CACNG7: variants seen among roughly 807,000 people sequenced by gnomAD.
The protein encoded by CACNG7 is voltage-dependent calcium channel gamma-7 subunit.
A neutral mutation model predicts 26.3 loss-of-function variants in CACNG7; 9 were observed. The ratio of observed to expected loss-of-function variants is 0.34; its 90% CI spans 0.21 to 0.60. The LOEUF (loss-of-function observed/expected upper bound fraction) is 0.60, where lower values mean the gene tolerates loss of function less well. Among genes scored for constraint, CACNG7 ranks in the 20% least tolerant of loss-of-function variants. CACNG7 has a pLI of 0.81. For synonymous variants in CACNG7, 170 were observed against 157.0 expected (o/e 1.08, Z -0.62); for missense variants, 297 against 380.4 (o/e 0.78, Z 1.82).
At chr19:53,911,001 A>G (rs3844454) in intron 1 of CACNG7, among the ~76,000 whole-genome samples, 1 of 151,108 alleles carries the variant, frequency 6.6e-6, no homozygotes, top group Admixed American at 6.6e-5. Flanking sequence ...AGGATGAGAG[A>G]CCGTTGTTTG....
In CACNG7 at chr19:53,943,420, C is replaced by G. The variant is rs559806315; in HGVS notation, c.*1127C>G. 9 of 151,216 alleles carry G rather than the reference C, an allele frequency of 6.0e-5. No individual in the cohort carries two copies. In the South Asian group the frequency reaches 1.7e-3, roughly 28 times the overall value. The allele number at this position is 151,216 out of a possible 1,614,324, so 9.4% of individuals were successfully genotyped here. ...GGTCACCAGGAACTCGCCCACCCCC[C>G]CTTATTAGGGAAAGAGGGGCGAGGT... On this transcript the variant is annotated 3_prime_UTR_variant, in exon 6 of 6. Transcript: ENST00000391767.
intron 4 of CACNG7, among the ~76,000 whole-genome samples, chr19:53,930,463 C>A (rs954860964): frequency 9.2e-5 from 14 of 152,288 alleles, no homozygotes; most frequent in South Asian, 4.1e-4. Context: ...ACCTCCACCT[C>A]CCAGGTACAC....
intron 4 of CACNG7, among the ~76,000 whole-genome samples, chr19:53,938,792 C>T (rs894950062): frequency 6.6e-6 from 1 of 151,618 alleles, no homozygotes; most frequent in Admixed American, 6.6e-5. Flanking sequence ...GCAAAAAATA[C>T]AAAAAATTAG....
chr19:53,920,926 C>A (rs1448880942), intron 4 of CACNG7, among the ~76,000 whole-genome samples: 1 of 105,776 alleles, frequency 9.5e-6, no homozygotes, highest in African/African-American at 4.3e-5. Flanking sequence ...CAGGTCTGGT[C>A]ATTGGTGGAC....
At chr19:53,919,187 A>G (rs1436299114) in intron 4 of CACNG7, among the ~76,000 whole-genome samples, 1 of 152,224 alleles carries the variant, frequency 6.6e-6, no homozygotes, top group African/African-American at 2.4e-5. Context: ...AAAAAGAAGG[A>G]GATTTAAAAG....
rs1599959681 is a variant in CACNG7 at position 53,909,536 on chromosome 19, T to G, written c.-30+19T>G. The G allele has an allele frequency of 6.6e-6, 1 of 151,420 alleles. No individual in the cohort carries two copies. The highest frequency in any genetic ancestry group is 1.9e-4 in the East Asian group (1 of 5,134). 9.4% of individuals were successfully genotyped at this position (151,420 alleles called of 1,614,324 possible). ...GAGCGAGGTGAGCGCTAGCGGAGGG[T>G]CCTGGGAGGAAGAAGGGGCGCCCCT... is the stretch of plus-strand genomic sequence containing the variant. On this transcript the variant is annotated intron_variant, in intron 1 of 5. Coordinates refer to ENST00000391767, the MANE Select transcript of CACNG7 (RefSeq NM_031896.5). The surrounding 1 kb of genome is among the most constrained non-coding windows in gnomAD (Gnocchi z 5.1).
chr19:53,941,134 C>A (rs2069134931), intron 4 of CACNG7, among the ~76,000 whole-genome samples: 1 of 152,152 alleles, frequency 6.6e-6, no homozygotes, highest in African/African-American at 2.4e-5. Context: ...CTTGCCCCTG[C>A]CCCAGGCAGG....
At position 53,940,201 on chromosome 19, in the gene CACNG7, A is replaced by G. The variant is rs1228284766; in HGVS notation, c.425-1269A>G. 6.6e-6 allele frequency among the ~76,000 whole-genome samples: 1 copy of G among 152,132 alleles called. No homozygotes were observed. Among genetic ancestry groups the G allele is most frequent in the Non-Finnish European group, 1.5e-5 (1 of 68,016 alleles). On this transcript the variant is annotated intron_variant, in intron 4 of 5. Transcript: ENST00000391767. The surrounding 1 kb of genome is among the most constrained non-coding windows in gnomAD (Gnocchi z 4.1). ...GGAGAAAATGATAATCGCCTCTTAG[A>G]AATTCTCAGATTGGACCTCTCCTCT...
chr19:53,917,780 A>G (rs562224281), intron 4 of CACNG7, among the ~76,000 whole-genome samples: 3 of 152,302 alleles, frequency 2.0e-5, no homozygotes, highest in African/African-American at 2.4e-5. Context: ...CATGATAAGG[A>G]AAGTCCCATT....
At position 53,914,496 on chromosome 19, in the gene CACNG7, C is replaced by G. The variant is rs754759538; in HGVS notation, c.197-4C>G. ...CCAGCCCTGTCTGTTTCTCTTCCCC[C>G]CAGGTCGGGAGAAAGGTCGCTGTGT... On this transcript the variant is annotated splice_polypyrimidine_tract_variant and splice_region_variant and intron_variant, in intron 2 of 5. Coordinates refer to ENST00000391767, the MANE Select transcript of CACNG7 (RefSeq NM_031896.5). 2 of 1,613,770 alleles carry G rather than the reference C, an allele frequency of 1.2e-6. No homozygotes were observed. Among genetic ancestry groups the G allele is most frequent in the Non-Finnish European group, 1.7e-6 (2 of 1,179,762 alleles).
At chr19:53,933,013 C>A (rs190059450) in intron 4 of CACNG7, among the ~76,000 whole-genome samples, 17 of 152,014 alleles carry the variant, frequency 1.1e-4, no homozygotes, top group Non-Finnish European at 2.5e-4. Flanking sequence ...GCCATGTTGG[C>A]CAGGCTGGTC....
rs539625680 is a variant in CACNG7 at position 53,942,459 on chromosome 19, C to A, written c.*166C>A. On this transcript the variant is annotated 3_prime_UTR_variant, in exon 6 of 6. Transcript: ENST00000391767. This position sits in a 1 kb window ranked among gnomAD's most constrained non-coding sequence, Gnocchi z 5.9. ...CTCCCAATGGCTCCGCCCACAGACT[C>A]CCTTATTTCAATGGCCGCGCCCTCT... 10 of 1,465,972 alleles carry A rather than the reference C, an allele frequency of 6.8e-6. No individual in the cohort carries two copies. The highest frequency in any genetic ancestry group is 9.0e-6 in the Non-Finnish European group (10 of 1,115,564). 90.8% of individuals were successfully genotyped at this position (1,465,972 alleles called of 1,614,324 possible).
At chr19:53,921,823 C>CCCCAGGTCTGGTCATTGGTGGAGTTGT in intron 4 of CACNG7, among the ~76,000 whole-genome samples, 1 of 75,028 alleles carries the variant, frequency 1.3e-5, no homozygotes, top group Non-Finnish European at 2.4e-5. Flanking sequence ...GGTGGAGTTG[C>CCCCAGGTCTGGTCATTGGTGGAGTTGT]CCCAGGTCTG....
At chr19:53,935,815 A>C (rs946844839) in intron 4 of CACNG7, among the ~76,000 whole-genome samples, 1 of 150,306 alleles carries the variant, frequency 6.7e-6, no homozygotes, top group Non-Finnish European at 1.5e-5. Flanking sequence ...TAATTTTTGT[A>C]TTTTTAGTAG....
chr19:53,919,288 A>T (rs1276806782), intron 4 of CACNG7, among the ~76,000 whole-genome samples: 1 of 152,246 alleles, frequency 6.6e-6, no homozygotes, highest in Non-Finnish European at 1.5e-5. Flanking sequence ...TGAGGAAACC[A>T]GGCCTCAGAG....
rs762212833 is a variant in CACNG7 at position 53,942,054 on chromosome 19, G to A, written c.589G>A (p.Val197Met). The A allele has an allele frequency of 6.2e-7, 1 of 1,610,858 alleles. No homozygotes were observed. The highest frequency in any genetic ancestry group is 1.1e-5 in the South Asian group (1 of 90,740). The change falls in exon 6 of 6, where the codon GTG becomes ATG. Residue 197 changes from valine (V) to methionine (M), a missense_variant. Transcript: ENST00000391767. The surrounding 1 kb of genome is among the most constrained non-coding windows in gnomAD (Gnocchi z 5.9). ...GCCGCAGGGGGCCGGCGTGATGTCC[G>A]TGTACCTGTTCACCAAGCGCTACGC... Reference protein sequence around the residue: ...LLKEGAGVMSVYLFTKRYAEE... With the variant: ...LLKEGAGVMSMYLFTKRYAEE...
At position 53,915,401 on chromosome 19, in the gene CACNG7, G is replaced by C; in HGVS notation, c.320G>C (p.Ser107Thr). Residue 107 changes from serine to threonine, a missense_variant, in exon 4 of 6, where the codon AGC becomes ACC. Ser to Thr is a moderately conservative substitution (Grantham distance 58, BLOSUM62 1). Coordinates refer to ENST00000391767, the MANE Select transcript of CACNG7 (RefSeq NM_031896.5). ...ACGGCCACCCCCTTCCCCATGGTCA[G>C]CCTCTTCCTCGTGTTCACGGCCTTC... is the stretch of plus-strand genomic sequence containing the variant. Reference protein sequence around the residue: ...VRTATPFPMVSLFLVFTAFVI... With the variant: ...VRTATPFPMVTLFLVFTAFVI... 1 of 1,613,994 alleles carries C rather than the reference G, an allele frequency of 6.2e-7. No individual in the cohort carries two copies. Among genetic ancestry groups the C allele is most frequent in the Non-Finnish European group, 8.5e-7 (1 of 1,179,990 alleles).
intron 4 of CACNG7, among the ~76,000 whole-genome samples, chr19:53,922,990 G>T (rs1487954420): frequency 1.0e-5 from 1 of 100,150 alleles, no homozygotes; most frequent in Non-Finnish European, 1.9e-5. Flanking sequence ...GTTGTCCCAG[G>T]ACTGGTCATT....
chr19:53,930,460 C>T (rs1402679227), intron 4 of CACNG7, among the ~76,000 whole-genome samples: 1 of 152,174 alleles, frequency 6.6e-6, no homozygotes, highest in Non-Finnish European at 1.5e-5. Context: ...GCAACCTCCA[C>T]CTCCCAGGTA....
Sources: allele counts gnomAD v4.1 joint callset (sites outside exome capture counted in the v4.1 genomes callset), GRCh38; gene constraint gnomAD v4.1.1; non-coding constraint Gnocchi (gnomAD v3.1); transcripts MANE v1.5; gene names NCBI Gene and HGNC (gene_info 2026-07-23, HGNC 2026-07-21).